Variants in TRHDE observed in about 807,000 individuals in gnomAD.
TRHDE encodes thyrotropin-releasing hormone-degrading ectoenzyme.
Under a neutral mutation model 125.7 loss-of-function variants are expected in TRHDE, and 72 were observed. That is an observed-to-expected ratio of 0.57 (90% CI 0.47 to 0.70). The LOEUF (loss-of-function observed/expected upper bound fraction) is 0.70, where lower values mean the gene tolerates loss of function less well. Among genes scored for constraint, TRHDE ranks in the 30% least tolerant of loss-of-function variants. The probability of loss-of-function intolerance (pLI) is 0.00; values close to 1 mark genes in which losing one functional copy is unlikely to be tolerated. For missense variants in TRHDE, 1,110 were observed against 1,327.1 expected, an observed-to-expected ratio of 0.84 and a Z score of 2.54; for synonymous variants, 509 against 509.1, an observed-to-expected ratio of 1.00 and a Z score of 0.00.
chr12:72,637,065 T>G (rs1256872127), intron 15 of TRHDE, among the ~76,000 whole-genome samples: 5 of 152,168 alleles, frequency 3.3e-5, no homozygotes, highest in Non-Finnish European at 7.3e-5. Flanking sequence ...TTGGAATAGT[T>G]TCAGAAGGAA....
chr12:72,120,888 C>G (rs963282892), intron 2 of TRHDE, among the ~76,000 whole-genome samples: 1 of 151,870 alleles, frequency 6.6e-6, no homozygotes, highest in African/African-American at 2.4e-5. Context: ...CCATTTTGGC[C>G]AAAATGGTCT....
intron 5 of TRHDE, among the ~76,000 whole-genome samples, chr12:72,489,819 C>G (rs1416812375): frequency 6.6e-6 from 1 of 151,760 alleles, no homozygotes; most frequent in African/African-American, 2.4e-5. Context: ...AGACTCTTGT[C>G]TTACACCATC....
intron 2 of TRHDE, among the ~76,000 whole-genome samples, chr12:72,108,721 C>T (rs185916179): frequency 3.3e-4 from 50 of 151,832 alleles, no homozygotes; most frequent in Non-Finnish European, 5.3e-4. Context: ...GCATTTTCGC[C>T]CCTGAAATGG....
chr12:72,103,572 G>A (rs1875116372), intron 1 of TRHDE, among the ~76,000 whole-genome samples: 1 of 152,076 alleles, frequency 6.6e-6, no homozygotes, highest in Non-Finnish European at 1.5e-5. Context: ...TTAGAGTCAT[G>A]AGGAATAGAG....
chr12:72,307,200 G>A (rs1868354827), intron 2 of TRHDE, among the ~76,000 whole-genome samples: 1 of 152,106 alleles, frequency 6.6e-6, no homozygotes, highest in South Asian at 2.1e-4. Context: ...TGGCTGGAGT[G>A]CAGTGGTGTG....
At chr12:72,572,530 G>A (rs1870794804) in intron 10 of TRHDE, among the ~76,000 whole-genome samples, 1 of 151,890 alleles carries the variant, frequency 6.6e-6, no homozygotes, top group Non-Finnish European at 1.5e-5. Flanking sequence ...ACATTTTAGG[G>A]ATATAATTAA....
chr12:72,106,014 C>T (rs1057358493), intron 2 of TRHDE, among the ~76,000 whole-genome samples: 6 of 152,062 alleles, frequency 3.9e-5, no homozygotes, highest in African/African-American at 1.4e-4. Flanking sequence ...TTTTGCCTTG[C>T]TGCCTGAACA....
At chr12:72,486,607 C>A (rs1877420118) in intron 5 of TRHDE, among the ~76,000 whole-genome samples, 1 of 152,154 alleles carries the variant, frequency 6.6e-6, no homozygotes, top group Admixed American at 6.5e-5. Flanking sequence ...CGCATGGAAC[C>A]AGAGCAACTT....
intron 2 of TRHDE, among the ~76,000 whole-genome samples, chr12:72,117,864 T>G (rs1875484757): frequency 6.6e-6 from 1 of 152,018 alleles, no homozygotes; most frequent in Non-Finnish European, 1.5e-5. Flanking sequence ...GGTTTTTTTT[T>G]TTCAGATTGT....
intron 6 of TRHDE, among the ~76,000 whole-genome samples, chr12:72,517,387 C>G (rs1485828440): frequency 6.6e-6 from 1 of 152,062 alleles, no homozygotes; most frequent in Non-Finnish European, 1.5e-5. Flanking sequence ...GTGCATGTGT[C>G]GAGGAATTTA....
chr12:72,605,551 A>G (rs1370270350), intron 12 of TRHDE, among the ~76,000 whole-genome samples: 1 of 152,122 alleles, frequency 6.6e-6, no homozygotes, highest in African/African-American at 2.4e-5. Context: ...GTGTATTTGA[A>G]GTCCTTTTTC....
intron 2 of TRHDE, among the ~76,000 whole-genome samples, chr12:72,199,504 G>A (rs947569544): frequency 6.6e-6 from 1 of 152,138 alleles, no homozygotes; most frequent in Non-Finnish European, 1.5e-5. Flanking sequence ...GCATGTTGAA[G>A]GGTCAAAGAA....
rs555784315 is a variant in TRHDE, at chr12:72,371,707, C to A, written c.1189-6288C>A. Among the ~76,000 whole-genome samples the A allele has an allele frequency of 2.7e-4, 41 of 152,096 alleles. No individual in the cohort carries two copies. The South Asian group carries it at 7.5e-3, about 28-fold the overall frequency. ...ATTTCCAGTTTCATCCATGTCCCTACAAAGGACATGAACTCATCCTTTTTT... is the reference window on the plus strand; with the variant it reads ...ATTTCCAGTTTCATCCATGTCCCTAAAAAGGACATGAACTCATCCTTTTTT... On this transcript the variant is annotated intron_variant, in intron 2 of 18. Coordinates refer to ENST00000261180, the MANE Select transcript of TRHDE (RefSeq NM_013381.3).
At chr12:72,349,191 T>C (rs894297681) in intron 2 of TRHDE, among the ~76,000 whole-genome samples, 5 of 152,124 alleles carry the variant, frequency 3.3e-5, no homozygotes, top group African/African-American at 1.2e-4. Context: ...TTCCTATGAA[T>C]ATCTTTGCAT....
At chr12:72,535,726 C>A (rs1206633748) in intron 6 of TRHDE, among the ~76,000 whole-genome samples, 1 of 151,246 alleles carries the variant, frequency 6.6e-6, no homozygotes, top group African/African-American at 2.4e-5. Flanking sequence ...TTTCAAAAAA[C>A]CATGGAGGAT....
Position 72,169,916 on chromosome 12 carries a change from G to A in TRHDE, n.279+64164G>A, listed in dbSNP as rs113157874. Among the ~76,000 whole-genome samples the A allele has an allele frequency of 2.8e-3, 421 of 152,140 alleles. 3 individuals carry two copies. Among genetic ancestry groups the A allele is most frequent in the African/African-American group, 9.5e-3 (394 of 41,480 alleles). On this transcript the variant is annotated intron_variant and non_coding_transcript_variant, in intron 2 of 4. Coordinates refer to the TRHDE transcript ENST00000548156. ...AATCACAGCTTTAGTGGAATCACTC[G>A]GACTTTGGGGTTAGATCTTAGGACA...
At chr12:72,288,221 T>G (rs1172763204) in intron 2 of TRHDE, among the ~76,000 whole-genome samples, 2 of 152,290 alleles carry the variant, frequency 1.3e-5, no homozygotes, top group African/African-American at 4.8e-5. Flanking sequence ...AATAGAAATC[T>G]ATATTTTTAA....
chr12:72,381,799 A>G (rs1229655148), intron 3 of TRHDE, among the ~76,000 whole-genome samples: 1 of 152,208 alleles, frequency 6.6e-6, no homozygotes, highest in Non-Finnish European at 1.5e-5. Flanking sequence ...TGGAATTGCC[A>G]TTTAGTGAGA....
At chr12:72,404,661 T>A (rs984983639) in intron 3 of TRHDE, among the ~76,000 whole-genome samples, 20 of 152,046 alleles carry the variant, frequency 1.3e-4, no homozygotes, top group Non-Finnish European at 2.5e-4. Context: ...TCACGAAACT[T>A]ACTATCATGA....
Sources: allele counts gnomAD v4.1 joint callset (sites outside exome capture counted in the v4.1 genomes callset), GRCh38; gene constraint gnomAD v4.1.1; transcripts MANE v1.5; gene names NCBI Gene and HGNC (gene_info 2026-07-23, HGNC 2026-07-21).